Variants in CXCL5 observed in about 807,000 individuals in gnomAD.
The protein encoded by CXCL5 is C-X-C motif chemokine 5.
In CXCL5, 13 loss-of-function variants were observed where a neutral mutation model predicts 12.1. That is an observed-to-expected ratio of 1.08 (90% CI 0.70 to 1.71). CXCL5 has a LOEUF of 1.71. CXCL5 is among the 40% of genes most tolerant of loss of function. The pLI, the probability that CXCL5 is intolerant of heterozygous loss-of-function variation, is 0.00. For synonymous variants in CXCL5, 67 were observed against 59.0 expected (o/e 1.14, Z -0.62); for missense variants, 159 against 142.4 (o/e 1.12, Z -0.59).
At position 73,996,778 on chromosome 4, in the gene CXCL5, C is replaced by T. The variant is rs1719203549; in HGVS notation, c.*859G>A. ...GTTAAGTTTGCCTTTACTTTAAAAA[C>T]TAAAAGAATACATTTCTATATAAAC... is the stretch of plus-strand genomic sequence containing the variant. On this transcript the variant is annotated 3_prime_UTR_variant, in exon 4 of 4. Transcript: ENST00000296027. The T allele has an allele frequency of 6.6e-6, 1 of 152,498 alleles. No homozygotes were observed. The highest frequency in any genetic ancestry group is 6.6e-5 in the Admixed American group (1 of 15,262). The allele number at this position is 152,498 out of a possible 1,614,324, so 9.4% of individuals were successfully genotyped here. A position where few individuals can be genotyped will look rare whatever the true frequency, so the allele number is the denominator to read the frequency against.
At position 73,998,080 on chromosome 4, in the gene CXCL5, G is replaced by A; in HGVS notation, c.258C>T (p.Asn86=). 6.2e-7 allele frequency: 1 copy of A among 1,613,830 alleles called. No individual in the cohort carries two copies. The highest frequency in any genetic ancestry group is 8.5e-7 in the Non-Finnish European group (1 of 1,179,964). The stretch of plus-strand genomic sequence containing the variant: ...CTGGATCAAGACAAATTTCCTTCCC[G>A]TTCTTCAGGGAGGCTCTGAAGGAAA... ...SKVEVVASLK[N]GKEICLDPEA... is the part of the protein sequence containing the mutation. The change falls in exon 3 of 4, where the codon AAC becomes AAT. Residue 86 remains asparagine, a synonymous_variant. Coordinates refer to ENST00000296027, the MANE Select transcript of CXCL5 (RefSeq NM_002994.5).
chr4:73,998,435 C>T (rs1209013432), intron 1 of CXCL5, 38 bp downstream of exon 1: 2 of 1,607,494 alleles, frequency 1.2e-6, no homozygotes, highest in Non-Finnish European at 1.7e-6. Flanking sequence ...ACCTCTGTGC[C>T]CGAGTGCGAG....
At position 73,996,583 on chromosome 4, in the gene CXCL5, G is replaced by C. The variant is rs1052068532; in HGVS notation, c.*1054C>G. ...GACATCCCTTGGACAACTTCTCCTT[G>C]TTTTTTTTTGTTTTGTTTTGTTTTT... On this transcript the variant is annotated 3_prime_UTR_variant, in exon 4 of 4. Coordinates refer to ENST00000296027, the MANE Select transcript of CXCL5 (RefSeq NM_002994.5). 1 of 150,752 alleles carries C rather than the reference G, an allele frequency of 6.6e-6. No individual in the cohort carries two copies. 9.3% of individuals were successfully genotyped at this position (150,752 alleles called of 1,614,324 possible).
intron 3 of CXCL5, 141 bp downstream of exon 3, chr4:73,997,871 G>A: frequency 1.1e-6 from 1 of 915,804 alleles, no homozygotes; most frequent in Non-Finnish European, 1.7e-6. Context: ...GGACAATCCA[G>A]AAAAACTTTC....
rs1719247983 is a variant in CXCL5, at chr4:73,998,454, G to C, written c.109+19C>G. The C allele has an allele frequency of 1.2e-6, 2 of 1,604,686 alleles. No individual in the cohort carries two copies. Among genetic ancestry groups the C allele is most frequent in the East Asian group, 4.5e-5 (2 of 44,626 alleles). On this transcript the variant is annotated intron_variant, in intron 1 of 3. Transcript: ENST00000296027. Reference sequence around the variant, plus strand: ...CTGTGCCCGAGTGCGAGTGCGTCCCGCGCGCCATGCGCTCTCACCGCTGGC... The same window carrying C: ...CTGTGCCCGAGTGCGAGTGCGTCCCCCGCGCCATGCGCTCTCACCGCTGGC...
At position 73,997,663 on chromosome 4, in the gene CXCL5, GA is replaced by G. The variant is rs1282749828; in HGVS notation, c.327-9del. The G allele has an allele frequency of 1.9e-6, 3 of 1,603,502 alleles. No individual in the cohort carries two copies. In the South Asian group the frequency reaches 3.3e-5, roughly 18 times the overall value. ...CAGTTTTCCTTGTTTCCACTGTTGA[GA>G]AAAATGTTATATTAGTTTAACCATT... On this transcript the variant is annotated splice_polypyrimidine_tract_variant and intron_variant, in intron 3 of 3. Transcript: ENST00000296027.
In CXCL5 at chr4:73,996,707, C is replaced by G. The variant is rs1425888691; in HGVS notation, c.*930G>C. 6.6e-6 allele frequency: 1 copy of G among 152,374 alleles called. No homozygotes were observed. Among genetic ancestry groups the G allele is most frequent in the Non-Finnish European group, 1.5e-5 (1 of 68,014 alleles). The allele number at this position is 152,374 out of a possible 1,614,324, so 9.4% of individuals were successfully genotyped here. A position where few individuals can be genotyped will look rare whatever the true frequency, so the allele number is the denominator to read the frequency against. ...TATAACTAAATGATAAATTTATATT[C>G]AAATTGTTTGAATACGTTTCCAAAA... On this transcript the variant is annotated 3_prime_UTR_variant, in exon 4 of 4. Transcript: ENST00000296027.
Position 73,997,378 on chromosome 4 carries a change from T to C in CXCL5, c.*259A>G, listed in dbSNP as rs183686562. 1.4e-5 allele frequency: 6 copies of C among 414,610 alleles called. No individual in the cohort carries two copies. The East Asian group carries it at 1.9e-4, about 13-fold the overall frequency. 25.7% of individuals were successfully genotyped at this position (414,610 alleles called of 1,614,324 possible). On this transcript the variant is annotated 3_prime_UTR_variant, in exon 4 of 4. Coordinates refer to ENST00000296027, the MANE Select transcript of CXCL5 (RefSeq NM_002994.5). The stretch of plus-strand genomic sequence containing the variant: ...GTCAATTGCCAAAACTTCAATAGCA[T>C]AGCAGATAAAATAACAGCAAATAGC...
In CXCL5 at chr4:73,998,664, A is replaced by C. The variant is rs1166702188; in HGVS notation, c.-83T>G. On this transcript the variant is annotated 5_prime_UTR_variant, in exon 1 of 4. Transcript: ENST00000296027. ...AGATTGGAGGAGCGAAGATTGGAGG[A>C]TCCGGAGCACTGTGGCTTCCTCGTG... is the stretch of plus-strand genomic sequence containing the variant. 9 of 1,235,390 alleles carry C rather than the reference A, an allele frequency of 7.3e-6. No homozygotes were observed. The highest frequency in any genetic ancestry group is 2.0e-5 in the Admixed American group (1 of 49,354). 76.5% of individuals were successfully genotyped at this position (1,235,390 alleles called of 1,614,324 possible). A position where few individuals can be genotyped will look rare whatever the true frequency, so the allele number is the denominator to read the frequency against.
At chr4:73,997,987 C>A in intron 3 of CXCL5, 25 bp downstream of exon 3, 1 of 1,591,976 alleles carries the variant, frequency 6.3e-7, no homozygotes, top group Non-Finnish European at 8.6e-7. Flanking sequence ...GATTTAGAAA[C>A]CACAAAGATC....
At chr4:73,998,406 C>G in intron 1 of CXCL5, 67 bp downstream of exon 1, 1 of 1,607,938 alleles carries the variant, frequency 6.2e-7, no homozygotes, top group East Asian at 2.2e-5. Context: ...ACGCAGCGAC[C>G]CCGCAGAGGC....
In CXCL5 at chr4:73,998,522, C is replaced by T; in HGVS notation, c.60G>A (p.Ala20=). The change falls in exon 1 of 4, where the codon GCG becomes GCA. Residue 20 remains alanine (A), a synonymous_variant. Coordinates refer to ENST00000296027, the MANE Select transcript of CXCL5 (RefSeq NM_002994.5). ...RVPGPSSSLC[A]LLVLLLLLTQ... Reference sequence around the variant, plus strand: ...TCAGCAGCAGCAGCAGCACCAACAGCGCGCACAAGGAGCTCGAAGGACCGG... The same window carrying T: ...TCAGCAGCAGCAGCAGCACCAACAGTGCGCACAAGGAGCTCGAAGGACCGG... The T allele has an allele frequency of 1.9e-6, 3 of 1,597,166 alleles. No individual in the cohort carries two copies. Among genetic ancestry groups the T allele is most frequent in the Non-Finnish European group, 1.7e-6 (2 of 1,171,542 alleles).
In CXCL5 at chr4:73,998,462, T is replaced by G; in HGVS notation, c.109+11A>C. On this transcript the variant is annotated intron_variant, in intron 1 of 3. Transcript: ENST00000296027. ...GAGTGCGAGTGCGTCCCGCGCGCCA[T>G]GCGCTCTCACCGCTGGCGATGGGCC... 1.9e-6 allele frequency: 3 copies of G among 1,606,566 alleles called. No homozygotes were observed. The highest frequency in any genetic ancestry group is 2.2e-5 in the South Asian group (2 of 90,342).
In CXCL5 at chr4:73,997,440, A is replaced by G. The variant is rs200889054; in HGVS notation, c.*197T>C. On this transcript the variant is annotated 3_prime_UTR_variant, in exon 4 of 4. Coordinates refer to ENST00000296027, the MANE Select transcript of CXCL5 (RefSeq NM_002994.5). ...GCTAAACACTTCATTAGCTGAGCTG[A>G]AAGCTTAAGCGGCAAACATAGGTTT... 1.8e-6 allele frequency: 1 copy of G among 570,352 alleles called. No individual in the cohort carries two copies. 35.3% of individuals were successfully genotyped at this position (570,352 alleles called of 1,614,324 possible). A position where few individuals can be genotyped will look rare whatever the true frequency, so the allele number is the denominator to read the frequency against.
rs201545241 is a variant in CXCL5 at position 73,998,620 on chromosome 4, G to C, written c.-39C>G. 3.0e-5 allele frequency: 46 copies of C among 1,525,656 alleles called. No individual in the cohort carries two copies. The highest frequency in any genetic ancestry group is 4.0e-5 in the Non-Finnish European group (45 of 1,122,540). 94.5% of individuals were successfully genotyped at this position (1,525,656 alleles called of 1,614,324 possible). A position where few individuals can be genotyped will look rare whatever the true frequency, so the allele number is the denominator to read the frequency against. The stretch of plus-strand genomic sequence containing the variant: ...GCGCTGCGAGCGGTCGCGGGTTCCT[G>C]AACTGGGTGGAGGAGCGGAGATTGG... On this transcript the variant is annotated 5_prime_UTR_variant, in exon 1 of 4. Coordinates refer to ENST00000296027, the MANE Select transcript of CXCL5 (RefSeq NM_002994.5).
rs199518894 is a variant in CXCL5 at position 73,998,263 on chromosome 4, A to G, written c.185T>C (p.Met62Thr). 3 of 1,614,212 alleles carry G rather than the reference A, an allele frequency of 1.9e-6. No individual in the cohort carries two copies. The highest frequency in any genetic ancestry group is 2.5e-6 in the Non-Finnish European group (3 of 1,180,036). Residue 62 changes from methionine (M) to threonine (T), a missense_variant, in exon 2 of 4, where the codon ATG (methionine) becomes ACG (threonine). Transcript: ENST00000296027. Reference protein sequence around the residue: ...LQTTQGVHPKMISNLQVFAIG... With the variant: ...LQTTQGVHPKTISNLQVFAIG... ...GGCGAACACTTGCAGATTACTGATC[A>G]TTTTGGGATGAACTCCTTGCGTGGT...
rs201773715 is a variant in CXCL5, at chr4:73,997,420, A to G, written c.*217T>C. The G allele has an allele frequency of 1.9e-4, 105 of 550,940 alleles. No homozygotes were observed. The highest frequency in any genetic ancestry group is 8.1e-4 in the Middle Eastern group (2 of 2,458). The allele number at this position is 550,940 out of a possible 1,614,324, so 34.1% of individuals were successfully genotyped here. The stretch of plus-strand genomic sequence containing the variant: ...GCAAATAGCAGAGGTACTATGCTAA[A>G]CACTTCATTAGCTGAGCTGAAAGCT... On this transcript the variant is annotated 3_prime_UTR_variant, in exon 4 of 4. Coordinates refer to ENST00000296027, the MANE Select transcript of CXCL5 (RefSeq NM_002994.5).
In CXCL5 at chr4:73,997,457, CAT is replaced by C. The variant is rs1236037493; in HGVS notation, c.*178_*179del. On this transcript the variant is annotated 3_prime_UTR_variant, in exon 4 of 4. Transcript: ENST00000296027. ...CTGAGCTGAAAGCTTAAGCGGCAAACATAGGTTTTCCTCACACTCTTCAAAGT... is the reference window on the plus strand; with the variant it reads ...CTGAGCTGAAAGCTTAAGCGGCAAACAGGTTTTCCTCACACTCTTCAAAGT... The C allele has an allele frequency of 6.8e-6, 4 of 588,376 alleles. No individual in the cohort carries two copies. Among genetic ancestry groups the C allele is most frequent in the South Asian group, 4.5e-5 (2 of 44,472 alleles). 36.4% of individuals were successfully genotyped at this position (588,376 alleles called of 1,614,324 possible).
In CXCL5 at chr4:73,997,437, C is replaced by T. The variant is rs1389600402; in HGVS notation, c.*200G>A. 1 of 566,456 alleles carries T rather than the reference C, an allele frequency of 1.8e-6. No homozygotes were observed. Among genetic ancestry groups the T allele is most frequent in the African/African-American group, 1.9e-5 (1 of 51,770 alleles). The allele number at this position is 566,456 out of a possible 1,614,324, so 35.1% of individuals were successfully genotyped here. A position where few individuals can be genotyped will look rare whatever the true frequency, so the allele number is the denominator to read the frequency against. Reference sequence around the variant, plus strand: ...TATGCTAAACACTTCATTAGCTGAGCTGAAAGCTTAAGCGGCAAACATAGG... The same window carrying T: ...TATGCTAAACACTTCATTAGCTGAGTTGAAAGCTTAAGCGGCAAACATAGG... On this transcript the variant is annotated 3_prime_UTR_variant, in exon 4 of 4. Transcript: ENST00000296027.
Sources: gnomAD v4.1 joint callset for allele counts on GRCh38, gnomAD v4.1.1 for gene constraint, MANE v1.5 for transcripts, NCBI Gene and HGNC (gene_info 2026-07-23, HGNC 2026-07-21) for gene names.